TRAK1: variants seen among roughly 807,000 people sequenced by gnomAD.
TRAK1 encodes trafficking kinesin-binding protein 1.
A neutral mutation model predicts 92.1 loss-of-function variants in TRAK1; 33 were observed. That is an observed-to-expected ratio of 0.36 (90% CI 0.27 to 0.48). TRAK1 has a LOEUF of 0.48. Among genes scored for constraint, TRAK1 ranks in the 20% least tolerant of loss-of-function variants. TRAK1 has a pLI of 0.99. For missense variants in TRAK1, 1,123 were observed against 1,257.9 expected (o/e 0.89, Z 1.62); for synonymous variants, 521 against 517.3 (o/e 1.01, Z -0.10).
intron 14 of TRAK1, chr3:42,210,403 TAAA>T (rs10717713): frequency 0.021 from 21,769 of 1,060,528 alleles, 2 homozygotes; most frequent in East Asian, 0.052. Flanking sequence ...GAAAGGCTGC[TAAA>T]AAAAAAAAAA....
At chr3:42,040,676 A>T (rs1202969233) in intron 1 of TRAK1, among the ~76,000 whole-genome samples, 1 of 146,300 alleles carries the variant, frequency 6.8e-6, no homozygotes, top group African/African-American at 2.5e-5. Context: ...TGCCAGTACT[A>T]CACCTTTTTT....
chr3:42,182,949 A>T (rs1704219152), intron 3 of TRAK1, among the ~76,000 whole-genome samples: 1 of 152,186 alleles, frequency 6.6e-6, no homozygotes, highest in Non-Finnish European at 1.5e-5. Context: ...CCTTCATTTA[A>T]CAGTTGAGGG....
At chr3:42,151,987 G>C (rs1700010989) in intron 2 of TRAK1, among the ~76,000 whole-genome samples, 1 of 152,228 alleles carries the variant, frequency 6.6e-6, no homozygotes, top group Non-Finnish European at 1.5e-5. Flanking sequence ...TTAAATTGCA[G>C]TGTTAGCACT....
intron 1 of TRAK1, among the ~76,000 whole-genome samples, chr3:42,014,521 A>T (rs551541439): frequency 6.6e-6 from 1 of 152,232 alleles, no homozygotes; most frequent in South Asian, 2.1e-4. Flanking sequence ...TTGAGAGTTA[A>T]CAAGTTTACT....
chr3:42,135,977 G>A (rs1360204590), intron 2 of TRAK1, among the ~76,000 whole-genome samples: 1 of 152,150 alleles, frequency 6.6e-6, no homozygotes, highest in East Asian at 1.9e-4. Context: ...GGGTGGACAT[G>A]CGCCAGGCCC....
chr3:42,023,803 G>C (rs2148883426), intron 1 of TRAK1, among the ~76,000 whole-genome samples: 1 of 144,050 alleles, frequency 6.9e-6, no homozygotes. Flanking sequence ...GTCCAGGCTG[G>C]AGTGCAGTGG....
intron 2 of TRAK1, among the ~76,000 whole-genome samples, chr3:42,168,284 C>T (rs1576752505): frequency 1.3e-5 from 2 of 152,242 alleles, no homozygotes; most frequent in African/African-American, 4.8e-5. Flanking sequence ...TCATTGTGGA[C>T]CCAAGGAAGT....
At chr3:42,177,952 TC>T (rs1188937236) in intron 3 of TRAK1, among the ~76,000 whole-genome samples, 11 of 152,168 alleles carry the variant, frequency 7.2e-5, no homozygotes, top group African/African-American at 2.4e-5. Flanking sequence ...GGACCGACCT[TC>T]AGCCTTTGGG....
At chr3:42,016,227 C>CA (rs1402224695) in intron 1 of TRAK1, among the ~76,000 whole-genome samples, 1 of 150,600 alleles carries the variant, frequency 6.6e-6, no homozygotes, top group African/African-American at 2.4e-5. Flanking sequence ...CTTTTTGAGT[C>CA]AGAGTGTCGC....
intron 1 of TRAK1, among the ~76,000 whole-genome samples, chr3:42,081,322 T>C (rs960091123): frequency 6.6e-6 from 1 of 152,202 alleles, no homozygotes; most frequent in African/African-American, 2.4e-5. Context: ...TTTCTGTTAG[T>C]CCTCAAGGTT....
At chr3:42,062,464 A>G (rs1234154899) in intron 1 of TRAK1, among the ~76,000 whole-genome samples, 2 of 152,200 alleles carry the variant, frequency 1.3e-5, no homozygotes, top group Non-Finnish European at 2.9e-5. Flanking sequence ...ACTATTTTTT[A>G]ACATTTCAGA....
In TRAK1 at chr3:42,189,006, T is replaced by G. The variant is rs776186247; in HGVS notation, c.582-10T>G. 1 of 1,600,560 alleles carries G rather than the reference T, an allele frequency of 6.2e-7. No homozygotes were observed. The highest frequency in any genetic ancestry group is 8.6e-7 in the Non-Finnish European group (1 of 1,167,864). On this transcript the variant is annotated splice_polypyrimidine_tract_variant and intron_variant, in intron 5 of 15. Coordinates refer to ENST00000327628, the MANE Select transcript of TRAK1 (RefSeq NM_001042646.3). The stretch of plus-strand genomic sequence containing the variant: ...GTCTCCCTAGGTTGTGAGCGTACTT[T>G]CTCCCCCAGGTTGAAGAGGAATGAG...
intron 1 of TRAK1, among the ~76,000 whole-genome samples, chr3:42,063,205 C>G (rs1438926600): frequency 6.6e-6 from 1 of 152,248 alleles, no homozygotes; most frequent in African/African-American, 2.4e-5. Flanking sequence ...GCTACAACTG[C>G]GGAATTGCAA....
upstream of TRAK1, among the ~76,000 whole-genome samples, chr3:42,088,267 GTT>G (rs1231379927): frequency 6.6e-6 from 1 of 152,182 alleles, no homozygotes; most frequent in Non-Finnish European, 1.5e-5. Context: ...TGTGTCAGGG[GTT>G]TCCTGGATAC....
chr3:42,110,184 A>G (rs1708198833), intron 1 of TRAK1, among the ~76,000 whole-genome samples: 1 of 147,812 alleles, frequency 6.8e-6, no homozygotes, highest in African/African-American at 2.5e-5. Context: ...GAGTAATGCA[A>G]CTTTGTAACC....
In TRAK1 at chr3:42,212,254, G is replaced by A. The variant is rs1365084214; in HGVS notation, c.1963+2269G>A. 66 of 985,446 alleles carry A rather than the reference G, an allele frequency of 6.7e-5. 1 individual carries two copies. Among genetic ancestry groups the A allele is most frequent in the Middle Eastern group, 1.0e-3 (2 of 1,914 alleles). The allele number at this position is 985,446 out of a possible 1,614,324, so 61.0% of individuals were successfully genotyped here. A position where few individuals can be genotyped will look rare whatever the true frequency, so the allele number is the denominator to read the frequency against. Reference sequence around the variant, plus strand: ...TTGTATCCATGGTGGTCTGGTCCCTGCCTTTTAATCCGTCCTCTACGCTTG... The same window carrying A: ...TTGTATCCATGGTGGTCTGGTCCCTACCTTTTAATCCGTCCTCTACGCTTG... On this transcript the variant is annotated intron_variant, in intron 14 of 15. Coordinates refer to ENST00000327628, the MANE Select transcript of TRAK1 (RefSeq NM_001042646.3).
chr3:42,222,964 G>T lies in TRAK1; in HGVS notation c.2089G>T (p.Ala697Ser), dbSNP rs1265332897. 3.1e-6 allele frequency: 5 copies of T among 1,613,710 alleles called. No homozygotes were observed. The South Asian group carries it at 5.5e-5, about 18-fold the overall frequency. Residue 697 changes from alanine (A) to serine (S), a missense_variant, in exon 16 of 16, where the codon GCT becomes TCT. Ala to Ser is a moderately conservative substitution (Grantham distance 99, BLOSUM62 1). Transcript: ENST00000327628. ...TPSLNSAPTP[A>S]CGSTSHLKST... ...CAGCCTTAACTCAGCCCCAACTCCA[G>T]CTTGTGGCAGCACCAGCCACTTGAA...
intron 1 of TRAK1, among the ~76,000 whole-genome samples, chr3:42,081,529 T>G (rs902046454): frequency 6.6e-6 from 1 of 152,188 alleles, no homozygotes. Flanking sequence ...GCACACAATT[T>G]TTTGGGGGAG....
At chr3:42,195,065 C>CCTG in intron 10 of TRAK1, 124 bp downstream of exon 10, 1 of 1,204,108 alleles carries the variant, frequency 8.3e-7, no homozygotes, top group South Asian at 1.6e-5. Flanking sequence ...CAGTTCAGAT[C>CCTG]TGAGTCTGAA....
Sources: allele counts gnomAD v4.1 joint callset (sites outside exome capture counted in the v4.1 genomes callset), GRCh38; gene constraint gnomAD v4.1.1; transcripts MANE v1.5; gene names NCBI Gene and HGNC (gene_info 2026-07-23, HGNC 2026-07-21).